DYNC1H1: variants seen among roughly 807,000 people sequenced by gnomAD.
The protein encoded by DYNC1H1 is cytoplasmic dynein 1 heavy chain 1.
Under a neutral mutation model 527.1 loss-of-function variants are expected in DYNC1H1, and 51 were observed. The ratio of observed to expected loss-of-function variants is 0.10; its 90% CI spans 0.08 to 0.12. The LOEUF (loss-of-function observed/expected upper bound fraction) is 0.12, where lower values mean the gene tolerates loss of function less well. Ranked by LOEUF, DYNC1H1 falls within the 10% of genes least tolerant of loss-of-function variation. The probability of loss-of-function intolerance (pLI) is 1.00; values close to 1 mark genes in which losing one functional copy is unlikely to be tolerated. For missense variants in DYNC1H1, 2,771 were observed against 5,971.8 expected, an observed-to-expected ratio of 0.46 and a Z score of 17.66; for synonymous variants, 2,189 against 2,278.8, an observed-to-expected ratio of 0.96 and a Z score of 1.12.
In DYNC1H1 at chr14:102,029,018, C is replaced by T. The variant is rs1332974227; in HGVS notation, c.9469-521C>T. The T allele has an allele frequency of 5.6e-6, 1 of 180,160 alleles. No homozygotes were observed. Among genetic ancestry groups the T allele is most frequent in the Non-Finnish European group, 1.2e-5 (1 of 84,258 alleles). The allele number at this position is 180,160 out of a possible 1,614,324, so 11.2% of individuals were successfully genotyped here. On this transcript the variant is annotated intron_variant, in intron 48 of 77. Coordinates refer to ENST00000360184, the MANE Select transcript of DYNC1H1 (RefSeq NM_001376.5). This position sits in a 1 kb window ranked among gnomAD's most constrained non-coding sequence, Gnocchi z 5.3. ...AAGAATTCAGTCTACTCCTCCCTCC[C>T]AGAAGAGCTTTGTGAAATCCACTCT...
At chr14:102,013,856 A>G (rs2048289084) in intron 34 of DYNC1H1, among the ~76,000 whole-genome samples, 1 of 152,188 alleles carries the variant, frequency 6.6e-6, no homozygotes, top group South Asian at 2.1e-4. Flanking sequence ...CTGAGAGGTG[A>G]CTGACTATGG....
At position 102,016,713 on chromosome 14, in the gene DYNC1H1, G is replaced by A. The variant is rs548837638; in HGVS notation, c.7615-53G>A. 9.4e-6 allele frequency: 15 copies of A among 1,589,384 alleles called. No homozygotes were observed. The highest frequency in any genetic ancestry group is 9.1e-5 in the South Asian group (8 of 88,198). ...GTTTGTGTTCAGGTAAACAAACCTC[G>A]TGAGGAGGCACCTTGGTTGCAGCCG... On this transcript the variant is annotated intron_variant, in intron 37 of 77. Coordinates refer to ENST00000360184, the MANE Select transcript of DYNC1H1 (RefSeq NM_001376.5). The surrounding 1 kb of genome is among the most constrained non-coding windows in gnomAD (Gnocchi z 7.3).
In DYNC1H1 at chr14:102,043,306, G is replaced by C. The variant is rs1043526305; in HGVS notation, c.12513+558G>C. Reference sequence around the variant, plus strand: ...CTCAAAAAAAAAAAAAAAAAGACCTGTCTGGACAACATAGTGAGATCCTGT... The same window carrying C: ...CTCAAAAAAAAAAAAAAAAAGACCTCTCTGGACAACATAGTGAGATCCTGT... On this transcript the variant is annotated intron_variant, in intron 69 of 77. Coordinates refer to ENST00000360184, the MANE Select transcript of DYNC1H1 (RefSeq NM_001376.5). The C allele has an allele frequency of 3.4e-5, 7 of 206,648 alleles. No homozygotes were observed. In the South Asian group the frequency reaches 5.3e-4, roughly 16 times the overall value. 12.8% of individuals were successfully genotyped at this position (206,648 alleles called of 1,614,324 possible).
In DYNC1H1 at chr14:102,017,700, CT is replaced by C; in HGVS notation, c.8177+198del. 1 of 1,060,246 alleles carries C rather than the reference CT, an allele frequency of 9.4e-7. No individual in the cohort carries two copies. Among genetic ancestry groups the C allele is most frequent in the Non-Finnish European group, 1.4e-6 (1 of 735,922 alleles). The allele number at this position is 1,060,246 out of a possible 1,614,324, so 65.7% of individuals were successfully genotyped here. A position where few individuals can be genotyped will look rare whatever the true frequency, so the allele number is the denominator to read the frequency against. On this transcript the variant is annotated intron_variant, in intron 40 of 77. Transcript: ENST00000360184. This position sits in a 1 kb window ranked among gnomAD's most constrained non-coding sequence, Gnocchi z 4.6. ...TAAAAGCATTGGCCGGGCGCAGTGG[CT>C]TACGCCTATAATCCCAGCACTTTGG... is the stretch of plus-strand genomic sequence containing the variant.
chr14:102,055,556 C>A lies in DYNC1H1; in HGVS notation c.*4993C>A, dbSNP rs115913206. 0.012 allele frequency: 1,847 copies of A among 152,888 alleles called. 37 individuals carry two copies. Among genetic ancestry groups the A allele is most frequent in the African/African-American group, 0.043 (1,779 of 41,522 alleles). 9.5% of individuals were successfully genotyped at this position (152,888 alleles called of 1,614,324 possible). A position where few individuals can be genotyped will look rare whatever the true frequency, so the allele number is the denominator to read the frequency against. On this transcript the variant is annotated 3_prime_UTR_variant, in exon 78 of 78. Coordinates refer to ENST00000360184, the MANE Select transcript of DYNC1H1 (RefSeq NM_001376.5). ...TGCCCTCCGGACATCTGTTCAGCAC[C>A]CCCCTCGACCTGGCCAAGGCTCCAC...
chr14:102,039,310 G>T lies in DYNC1H1; in HGVS notation c.11460+56G>T. 1 of 1,611,038 alleles carries T rather than the reference G, an allele frequency of 6.2e-7. No individual in the cohort carries two copies. Among genetic ancestry groups the T allele is most frequent in the Non-Finnish European group, 8.5e-7 (1 of 1,179,892 alleles). ...GGCCCCGCACAGTAGCTCCTTGGCC[G>T]CACAGAGGCTGGCGGGCCCTGCACA... On this transcript the variant is annotated intron_variant, in intron 60 of 77. Transcript: ENST00000360184. The surrounding 1 kb of genome is among the most constrained non-coding windows in gnomAD (Gnocchi z 7.0).
rs753118577 is a variant in DYNC1H1 at position 102,027,166 on chromosome 14, T to C, written c.8772-8T>C. The C allele has an allele frequency of 6.2e-7, 1 of 1,613,724 alleles. No individual in the cohort carries two copies. The highest frequency in any genetic ancestry group is 8.5e-7 in the Non-Finnish European group (1 of 1,179,632). On this transcript the variant is annotated splice_polypyrimidine_tract_variant and splice_region_variant and intron_variant, in intron 44 of 77. Coordinates refer to ENST00000360184, the MANE Select transcript of DYNC1H1 (RefSeq NM_001376.5). The surrounding 1 kb of genome is among the most constrained non-coding windows in gnomAD (Gnocchi z 7.7). The stretch of plus-strand genomic sequence containing the variant: ...CCTTAACATTGATCAGTTCTCGTAA[T>C]GTTTCAGAATATTCCGTCAACCTCA...
Position 102,000,816 on chromosome 14 carries a change from T to G in DYNC1H1, c.4075-138T>G, listed in dbSNP as rs772823584. On this transcript the variant is annotated intron_variant, in intron 18 of 77. Transcript: ENST00000360184. Reference sequence around the variant, plus strand: ...CTCGAACTCCCGACCTCAAGTGATCTGCTCGCCCGGCCTCCCAAAGTGCTG... The same window carrying G: ...CTCGAACTCCCGACCTCAAGTGATCGGCTCGCCCGGCCTCCCAAAGTGCTG... 6.8e-4 allele frequency: 523 copies of G among 765,712 alleles called. 2 individuals carry two copies. The highest frequency in any genetic ancestry group is 1.0e-3 in the Non-Finnish European group (445 of 436,146). The allele number at this position is 765,712 out of a possible 1,614,324, so 47.4% of individuals were successfully genotyped here.
intron 27 of DYNC1H1, 85 bp from the exon 28 acceptor site, chr14:102,006,923 T>C: frequency 6.8e-7 from 1 of 1,471,012 alleles, no homozygotes; most frequent in Non-Finnish European, 9.4e-7. Flanking sequence ...TTTAAATGAG[T>C]TGCTTTTTGT....
At position 101,965,031 on chromosome 14, in the gene DYNC1H1, C is replaced by T; in HGVS notation, c.256+84C>T. 2 of 1,425,800 alleles carry T rather than the reference C, an allele frequency of 1.4e-6. No individual in the cohort carries two copies. Among genetic ancestry groups the T allele is most frequent in the Non-Finnish European group, 1.9e-6 (2 of 1,056,624 alleles). 88.3% of individuals were successfully genotyped at this position (1,425,800 alleles called of 1,614,324 possible). On this transcript the variant is annotated intron_variant, in intron 1 of 77. Coordinates refer to ENST00000360184, the MANE Select transcript of DYNC1H1 (RefSeq NM_001376.5). The surrounding 1 kb of genome is among the most constrained non-coding windows in gnomAD (Gnocchi z 4.1). Reference sequence around the variant, plus strand: ...CCAGGTCCTCCGGGGTCGCAGATGTCCCCGGGATGGGAGGAGCCCGGCAGC... The same window carrying T: ...CCAGGTCCTCCGGGGTCGCAGATGTTCCCGGGATGGGAGGAGCCCGGCAGC...
In DYNC1H1 at chr14:101,990,726, TTAGGCC is replaced by T. The variant is rs879870267; in HGVS notation, c.2869-800_2869-795del. Among the ~76,000 whole-genome samples, 412 of 151,962 alleles carry T rather than the reference TTAGGCC, an allele frequency of 2.7e-3. 4 individuals carry two copies. Among genetic ancestry groups the T allele is most frequent in the Middle Eastern group, 6.8e-3 (2 of 294 alleles). On this transcript the variant is annotated intron_variant, in intron 10 of 77. Coordinates refer to ENST00000360184, the MANE Select transcript of DYNC1H1 (RefSeq NM_001376.5). ...CCCATCTCTATAAAAAGTACAAAAA[TTAGGCC>T]GGGCGCGGTGGCTCATGCCTGTAAT... is the stretch of plus-strand genomic sequence containing the variant.
At position 102,012,317 on chromosome 14, in the gene DYNC1H1, C is replaced by T; in HGVS notation, c.6861C>T (p.Ile2287=). 6.2e-7 allele frequency: 1 copy of T among 1,614,182 alleles called. No individual in the cohort carries two copies. The highest frequency in any genetic ancestry group is 8.5e-7 in the Non-Finnish European group (1 of 1,180,038). The change falls in exon 34 of 78, where the codon ATC becomes ATT. Residue 2287 remains isoleucine, a synonymous_variant. Coordinates refer to ENST00000360184, the MANE Select transcript of DYNC1H1 (RefSeq NM_001376.5). The surrounding 1 kb of genome is among the most constrained non-coding windows in gnomAD (Gnocchi z 4.9). ...TTTTAAAATCCTTCCCAACCAGGAT[C>T]ATCGACAGCGTGAGAGGCGAGCTGC... ...DGLFTHVLRK[I]IDSVRGELQK... is the part of the protein sequence containing the mutation.
chr14:101,977,517 A>G (rs750763207), intron 2 of DYNC1H1, among the ~76,000 whole-genome samples: 7 of 152,222 alleles, frequency 4.6e-5, no homozygotes, highest in Non-Finnish European at 1.0e-4. Context: ...TAGCCTCAGT[A>G]CAATGATCAA....
At chr14:101,987,784 C>A in intron 9 of DYNC1H1, 152 bp downstream of exon 9, 1 of 972,480 alleles carries the variant, frequency 1.0e-6, no homozygotes, top group Non-Finnish European at 1.6e-6. Flanking sequence ...AGTGATAGAA[C>A]TGAATTGTGG....
chr14:102,011,320 C>T lies in DYNC1H1; in HGVS notation c.6618+368C>T. 2.7e-6 allele frequency: 1 copy of T among 368,982 alleles called. No individual in the cohort carries two copies. Among genetic ancestry groups the T allele is most frequent in the South Asian group, 2.2e-5 (1 of 45,386 alleles). 22.9% of individuals were successfully genotyped at this position (368,982 alleles called of 1,614,324 possible). A position where few individuals can be genotyped will look rare whatever the true frequency, so the allele number is the denominator to read the frequency against. ...TTTACATTCTGTATTGGCTTCTTTCCTTCCTCTATGTGATTCATTTAAGAA... is the reference window on the plus strand; with the variant it reads ...TTTACATTCTGTATTGGCTTCTTTCTTTCCTCTATGTGATTCATTTAAGAA... On this transcript the variant is annotated intron_variant, in intron 32 of 77. Transcript: ENST00000360184. This position sits in a 1 kb window ranked among gnomAD's most constrained non-coding sequence, Gnocchi z 5.3.
chr14:101,984,932 C>CAAAAAAAAAAAAA (rs773102943), intron 7 of DYNC1H1, among the ~76,000 whole-genome samples: 1 of 40,158 alleles, frequency 2.5e-5, no homozygotes, highest in Non-Finnish European at 5.1e-5. Context: ...GGCTCCGTCT[C>CAAAAAAAAAAAAA]AAAAAAAAAA....
chr14:102,024,861 ATTT>A (rs2048430932), intron 43 of DYNC1H1, among the ~76,000 whole-genome samples: 3 of 150,968 alleles, frequency 2.0e-5, no homozygotes, highest in Middle Eastern at 3.4e-3. Flanking sequence ...CGCCCAGCTA[ATTT>A]TTTGTATTTT....
chr14:101,972,547 A>T (rs947201982), intron 1 of DYNC1H1, among the ~76,000 whole-genome samples: 11 of 152,238 alleles, frequency 7.2e-5, no homozygotes, highest in Non-Finnish European at 1.5e-4. Context: ...CAGTATTCCC[A>T]GGGCAGAGCT....
chr14:102,047,757 CTG>C (rs1595635989), intron 72 of DYNC1H1, 58 bp from the exon 73 acceptor site: 1 of 1,604,658 alleles, frequency 6.2e-7, no homozygotes, highest in East Asian at 2.2e-5. Flanking sequence ...CCTTTTCCCT[CTG>C]TGATTTCTTG....
Sources: gnomAD v4.1 joint callset for allele counts (sites outside exome capture counted in the v4.1 genomes callset) on GRCh38, gnomAD v4.1.1 for gene constraint, Gnocchi (gnomAD v3.1) non-coding constraint, MANE v1.5 for transcripts, NCBI Gene and HGNC (gene_info 2026-07-23, HGNC 2026-07-21) for gene names.